Variants in HRH2 observed in about 807,000 individuals in gnomAD.
HRH2 encodes the protein histamine receptor H2.
In HRH2, 4 loss-of-function variants were observed where a neutral mutation model predicts 20.1. The observed-to-expected ratio is 0.20, with a 90% CI of 0.10 to 0.45. HRH2 has a LOEUF of 0.45. Ranked by LOEUF, HRH2 falls within the 20% of genes least tolerant of loss-of-function variation. The probability of loss-of-function intolerance (pLI) is 0.99; values close to 1 mark genes in which losing one functional copy is unlikely to be tolerated. For missense variants in HRH2, 250 were observed against 461.6 expected (o/e 0.54, Z 4.20); for synonymous variants, 197 against 200.7 (o/e 0.98, Z 0.16).
intron 1 of HRH2, among the ~76,000 whole-genome samples, chr5:175,658,621 A>C (rs551627141): frequency 2.0e-5 from 3 of 152,224 alleles, no homozygotes; most frequent in East Asian, 3.9e-4. Context: ...AAGGGAAGCC[A>C]GCGGAGAGCG....
chr5:175,679,885 C>T (rs1349144698), intron 1 of HRH2, among the ~76,000 whole-genome samples: 1 of 152,192 alleles, frequency 6.6e-6, no homozygotes, highest in South Asian at 2.1e-4. Flanking sequence ...GTATTAAGTA[C>T]AGGCCAAAGG....
At chr5:175,699,588 G>T (rs1756727500) in intron 2 of HRH2, among the ~76,000 whole-genome samples, 1 of 152,002 alleles carries the variant, frequency 6.6e-6, no homozygotes, top group Admixed American at 6.6e-5. Context: ...TTGTTTGTTT[G>T]TTTGAGACAG....
At chr5:175,703,630 A>C (rs761545913) in intron 2 of HRH2, among the ~76,000 whole-genome samples, 1 of 152,186 alleles carries the variant, frequency 6.6e-6, no homozygotes, top group Non-Finnish European at 1.5e-5. Context: ...AACAAAACCA[A>C]ACTTTAGTAC....
At chr5:175,661,015 C>T (rs967007413) in intron 1 of HRH2, among the ~76,000 whole-genome samples, 7 of 151,462 alleles carry the variant, frequency 4.6e-5, no homozygotes, top group Non-Finnish European at 1.0e-4. Flanking sequence ...GCCTTATCGC[C>T]TCCAGCTACC....
At chr5:175,669,831 T>C (rs970625260) in intron 1 of HRH2, among the ~76,000 whole-genome samples, 58 of 152,346 alleles carry the variant, frequency 3.8e-4, no homozygotes, top group African/African-American at 1.3e-3. Context: ...TATGTTCACA[T>C]CAGGATCCAA....
chr5:175,668,393 TGTTGCTCGCAGG>T lies in HRH2; in HGVS notation c.-526+10241_-526+10252del, dbSNP rs142916435. Among the ~76,000 whole-genome samples the T allele has an allele frequency of 3.4e-3, 516 of 152,258 alleles. 4 individuals are homozygous for T. Among genetic ancestry groups the T allele is most frequent in the African/African-American group, 0.012 (486 of 41,554 alleles). On this transcript the variant is annotated intron_variant, in intron 1 of 2. Transcript: ENST00000636584. ...ATTCTGAGGCAGAGACCCCCCCAGC[TGTTGCTCGCAGG>T]GTGGGGGTGCAGGGGAATATTACTC...
At chr5:175,702,725 C>CTTTTTTTTTTTTT (rs1166650598) in intron 2 of HRH2, among the ~76,000 whole-genome samples, 1 of 123,674 alleles carries the variant, frequency 8.1e-6, no homozygotes, top group Non-Finnish European at 1.7e-5. Flanking sequence ...CTAATTTTTT[C>CTTTTTTTTTTTTT]TTTTTTTTTT....
chr5:175,687,826 G>A lies in HRH2; in HGVS notation c.1076+3517G>A, dbSNP rs755545161. 5.3e-5 allele frequency among the ~76,000 whole-genome samples: 8 copies of A among 152,156 alleles called. No individual in the cohort carries two copies. The highest frequency in any genetic ancestry group is 7.4e-5 in the Non-Finnish European group (5 of 67,994). On this transcript the variant is annotated intron_variant, in intron 2 of 2. Transcript: ENST00000636584. The surrounding 1 kb of genome is among the most constrained non-coding windows in gnomAD (Gnocchi z 5.2). ...CTCAGGACCCTCCTCTGCCTCCCACGGCCGCCTGCACATAGGTAGCCCTGT... is the reference window on the plus strand; with the variant it reads ...CTCAGGACCCTCCTCTGCCTCCCACAGCCGCCTGCACATAGGTAGCCCTGT...
At chr5:175,673,520 G>T (rs1222553984) in intron 1 of HRH2, among the ~76,000 whole-genome samples, 1 of 152,136 alleles carries the variant, frequency 6.6e-6, no homozygotes, top group Non-Finnish European at 1.5e-5. Flanking sequence ...CAGGGGCTAG[G>T]GAAAGGGAGG....
chr5:175,704,687 C>A (rs1030882646), intron 2 of HRH2, among the ~76,000 whole-genome samples: 2 of 152,012 alleles, frequency 1.3e-5, no homozygotes, highest in African/African-American at 4.8e-5. Context: ...ATACAGAAAC[C>A]AAAAAGTATC....
Position 175,686,640 on chromosome 5 carries a change from G to A in HRH2, c.1076+2331G>A, listed in dbSNP as rs757259373. Among the ~76,000 whole-genome samples the A allele has an allele frequency of 3.3e-5, 5 of 152,328 alleles. No homozygotes were observed. Among genetic ancestry groups the A allele is most frequent in the Admixed American group, 6.5e-5 (1 of 15,304 alleles). On this transcript the variant is annotated intron_variant, in intron 2 of 2. Transcript: ENST00000636584. The surrounding 1 kb of genome is among the most constrained non-coding windows in gnomAD (Gnocchi z 4.7). The stretch of plus-strand genomic sequence containing the variant: ...CCAGATGGGGCTGGCGCATGGGCCC[G>A]GGAGCCCATCCCGGAGAGGAGACCT...
intron 1 of HRH2, among the ~76,000 whole-genome samples, chr5:175,660,984 T>C (rs1762721398): frequency 6.6e-6 from 1 of 152,228 alleles, no homozygotes; most frequent in South Asian, 2.1e-4. Flanking sequence ...ACATGGCTCA[T>C]GATGGTTTAG....
chr5:175,675,623 C>A (rs1379083189), intron 1 of HRH2, among the ~76,000 whole-genome samples: 3 of 152,182 alleles, frequency 2.0e-5, no homozygotes, highest in Admixed American at 6.5e-5. Flanking sequence ...AAAGGGGCAT[C>A]TGGACTGAGT....
In HRH2 at chr5:175,681,106, T is replaced by C. The variant is rs985960905; in HGVS notation, c.-525-1603T>C. ...AACTCAGAAAAACTTTGATGAGAAA[T>C]AGGGATTCTCCAAAAAAATACCCTT... On this transcript the variant is annotated intron_variant, in intron 1 of 2. Coordinates refer to ENST00000636584, the MANE Select transcript of HRH2 (RefSeq NM_001367711.1). This position sits in a 1 kb window ranked among gnomAD's most constrained non-coding sequence, Gnocchi z 4.3. Among the ~76,000 whole-genome samples the C allele has an allele frequency of 1.3e-5, 2 of 152,132 alleles. No individual in the cohort carries two copies. Among genetic ancestry groups the C allele is most frequent in the African/African-American group, 2.4e-5 (1 of 41,408 alleles).
At chr5:175,669,817 C>T (rs891909051) in intron 1 of HRH2, among the ~76,000 whole-genome samples, 25 of 152,296 alleles carry the variant, frequency 1.6e-4, no homozygotes, top group Admixed American at 1.2e-3. Context: ...CTTTGTCCCA[C>T]GATTATGTTC....
chr5:175,683,157 G>T lies in HRH2; in HGVS notation c.-77G>T. On this transcript the variant is annotated 5_prime_UTR_variant, in exon 2 of 3. Transcript: ENST00000636584. ...GTTGGGAGCTTGGAGTCCAGTGGTT[G>T]GCATAGTTGTCACATTGGGAGCAGA... 6.7e-7 allele frequency: 1 copy of T among 1,488,258 alleles called. No homozygotes were observed. The highest frequency in any genetic ancestry group is 9.1e-7 in the Non-Finnish European group (1 of 1,101,964). 92.2% of individuals were successfully genotyped at this position (1,488,258 alleles called of 1,614,324 possible). A position where few individuals can be genotyped will look rare whatever the true frequency, so the allele number is the denominator to read the frequency against.
At chr5:175,658,935 A>G (rs906298659) in intron 1 of HRH2, among the ~76,000 whole-genome samples, 3 of 152,170 alleles carry the variant, frequency 2.0e-5, no homozygotes, top group Non-Finnish European at 4.4e-5. Flanking sequence ...GTGAGGCGAA[A>G]GAGGTGGGGC....
intron 1 of HRH2, among the ~76,000 whole-genome samples, chr5:175,676,970 C>T (rs187444612): frequency 2.0e-5 from 3 of 152,252 alleles, no homozygotes; most frequent in African/African-American, 7.2e-5. Flanking sequence ...ACCACTGTTT[C>T]TGTTTCTTTT....
At position 175,709,366 on chromosome 5, in the gene HRH2, A is replaced by C. The variant is rs919763559; in HGVS notation, c.*1395A>C. On this transcript the variant is annotated 3_prime_UTR_variant, in exon 3 of 3. Transcript: ENST00000636584. ...CGTCTGCACCCACAACTCCAGTTAC[A>C]AGGCACGAGGTTTGGTTATGAAATC... is the stretch of plus-strand genomic sequence containing the variant. The C allele has an allele frequency of 3.3e-5, 5 of 152,218 alleles. No individual in the cohort carries two copies. The highest frequency in any genetic ancestry group is 1.2e-4 in the African/African-American group (5 of 41,430). 9.4% of individuals were successfully genotyped at this position (152,218 alleles called of 1,614,324 possible).
Sources: allele counts gnomAD v4.1 joint callset (sites outside exome capture counted in the v4.1 genomes callset), GRCh38; gene constraint gnomAD v4.1.1; non-coding constraint Gnocchi (gnomAD v3.1); transcripts MANE v1.5; gene names NCBI Gene and HGNC (gene_info 2026-07-23, HGNC 2026-07-21).